BPHL: variants seen among roughly 807,000 people sequenced by gnomAD.
BPHL encodes the protein biphenyl hydrolase like.
BPHL carries 27 observed loss-of-function variants against 31.2 expected under a neutral mutation model. That is an observed-to-expected ratio of 0.87 (90% CI 0.64 to 1.19). BPHL has a LOEUF of 1.19. Ranked by LOEUF, BPHL falls within the 50% of genes most tolerant of loss-of-function variation. The pLI is 0.00. For synonymous variants in BPHL, 150 were observed against 146.8 expected, an observed-to-expected ratio of 1.02 and a Z score of -0.16; for missense variants, 356 against 375.7, an observed-to-expected ratio of 0.95 and a Z score of 0.43.
At chr6:3,139,910 G>A (rs899302580) in intron 5 of BPHL, 2 of 157,842 alleles carry the variant, frequency 1.3e-5, no homozygotes, top group Non-Finnish European at 2.8e-5. Context: ...ATGCATCAGC[G>A]ATAAGGAGAA....
At chr6:3,152,398 T>C (rs1762547077) in intron 6 of BPHL, 90 bp from the exon 7 acceptor site, 5 of 1,118,286 alleles carry the variant, frequency 4.5e-6, no homozygotes, top group Non-Finnish European at 6.6e-6. Flanking sequence ...AATTTTTCAC[T>C]TTAGATGTTT....
At chr6:3,145,115 T>G (rs1450053645) in intron 6 of BPHL, among the ~76,000 whole-genome samples, 8 of 141,586 alleles carry the variant, frequency 5.7e-5, no homozygotes, top group African/African-American at 1.3e-4. Flanking sequence ...TGGTTTGGGT[T>G]TGAGTTCTGG....
intron 1 of BPHL, among the ~76,000 whole-genome samples, chr6:3,121,478 G>C (rs1350024797): frequency 6.6e-6 from 1 of 151,660 alleles, no homozygotes; most frequent in Non-Finnish European, 1.5e-5. Context: ...TTTTTTGTGT[G>C]TATTTTAGTA....
At chr6:3,120,878 C>G (rs1380361037) in intron 1 of BPHL, among the ~76,000 whole-genome samples, 1 of 152,176 alleles carries the variant, frequency 6.6e-6, no homozygotes, top group East Asian at 1.9e-4. Context: ...CACGCTGTAT[C>G]TGGCAGTCAG....
intron 1 of BPHL, among the ~76,000 whole-genome samples, chr6:3,122,416 C>T (rs1468877433): frequency 6.6e-6 from 1 of 152,228 alleles, no homozygotes; most frequent in Non-Finnish European, 1.5e-5. Flanking sequence ...GTGCTTCACT[C>T]AGTCATCTGT....
intron 3 of BPHL, 146 bp downstream of exon 3, chr6:3,127,554 G>A: frequency 1.6e-6 from 1 of 617,488 alleles, no homozygotes; most frequent in Non-Finnish European, 2.5e-6. Context: ...TAGGTATAAA[G>A]AAGAAAGTAG....
At chr6:3,130,013 G>A (rs1336511687) in intron 4 of BPHL, among the ~76,000 whole-genome samples, 1 of 152,056 alleles carries the variant, frequency 6.6e-6, no homozygotes, top group Non-Finnish European at 1.5e-5. Flanking sequence ...CTCCATGTTG[G>A]TCAGGCTGGT....
chr6:3,119,504 C>T (rs1450698074), intron 1 of BPHL: 1 of 1,613,978 alleles, frequency 6.2e-7, no homozygotes, highest in Admixed American at 1.7e-5. Flanking sequence ...ACCTGTCCCC[C>T]CATTTCAGGT....
At position 3,140,412 on chromosome 6, in the gene BPHL, C is replaced by T. The variant is rs777142827; in HGVS notation, c.691C>T (p.Arg231Trp). The T allele has an allele frequency of 1.4e-5, 23 of 1,614,040 alleles. No homozygotes were observed. The highest frequency in any genetic ancestry group is 7.7e-5 in the South Asian group (7 of 91,072). ...TAACATCTGCCGGCACCTGCTGCCC[C>T]GGGTCCAGTGCCCCGCCTTGATTGT... ...DGNICRHLLP[R>W]VQCPALIVHG... The change falls in exon 6 of 7, where the codon CGG (arginine) becomes TGG (tryptophan). Residue 231 changes from arginine to tryptophan, a missense_variant. Physicochemically the swap from Arg to Trp is moderately radical, Grantham distance 101 (BLOSUM62 -3). Transcript: ENST00000380379. The surrounding 1 kb of genome is among the most constrained non-coding windows in gnomAD (Gnocchi z 5.2).
At chr6:3,152,457 T>A (rs756619457) in intron 6 of BPHL, 31 bp from the exon 7 acceptor site, 131 of 1,603,550 alleles carry the variant, frequency 8.2e-5, no homozygotes, top group Middle Eastern at 6.6e-4. Context: ...GGTGGGCCAT[T>A]GACCCAAAGT....
intron 5 of BPHL, chr6:3,138,111 T>C (rs1452406836): frequency 1.2e-6 from 1 of 802,380 alleles, no homozygotes; most frequent in Admixed American, 2.4e-5. Flanking sequence ...CTCTGTCTCC[T>C]GGGTTCAAGC....
At chr6:3,146,433 G>T (rs1191055130) in intron 6 of BPHL, among the ~76,000 whole-genome samples, 3 of 117,420 alleles carry the variant, frequency 2.6e-5, no homozygotes, top group Admixed American at 8.6e-5. Context: ...GGTTTGGGTC[G>T]GAGTGCTGGT....
intron 4 of BPHL, among the ~76,000 whole-genome samples, chr6:3,135,903 G>A (rs1261735274): frequency 6.6e-6 from 1 of 152,196 alleles, no homozygotes; most frequent in Non-Finnish European, 1.5e-5. Flanking sequence ...ATCATACCAG[G>A]TTGGGGCCAT....
chr6:3,129,764 A>G (rs987088634), intron 4 of BPHL, among the ~76,000 whole-genome samples: 24 of 141,128 alleles, frequency 1.7e-4, no homozygotes, highest in African/African-American at 5.8e-4. Flanking sequence ...TTTCTGTGCT[A>G]TTTGCATGCT....
intron 6 of BPHL, among the ~76,000 whole-genome samples, chr6:3,148,474 A>T (rs1267575436): frequency 6.6e-6 from 1 of 152,232 alleles, no homozygotes; most frequent in Non-Finnish European, 1.5e-5. Flanking sequence ...TCCATAGAAA[A>T]GTGAAGCCAG....
chr6:3,134,919 TAG>T (rs1002676509), intron 4 of BPHL, among the ~76,000 whole-genome samples: 28 of 151,958 alleles, frequency 1.8e-4, no homozygotes, highest in African/African-American at 5.8e-4. Context: ...GTATTTTTTG[TAG>T]AGACGGGGTT....
rs774501333 is a variant in BPHL at position 3,127,366 on chromosome 6, C to G, written c.336C>G (p.Asp112Glu). 34 of 1,607,228 alleles carry G rather than the reference C, an allele frequency of 2.1e-5. No individual in the cohort carries two copies. Among genetic ancestry groups the G allele is most frequent in the Middle Eastern group, 1.7e-4 (1 of 5,970 alleles). Residue 112 changes from aspartate (D) to glutamate (E), a missense_variant, in exon 3 of 7, where the codon GAC becomes GAG. Transcript: ENST00000380379. ...CCCCAGATCGCGATTTCCCAGCAGA[C>G]TTTTTTGAAAGGGATGCAAAAGATG... ...SRPPDRDFPA[D>E]FFERDAKDAV...
chr6:3,126,307 A>G (rs549633128), intron 2 of BPHL, among the ~76,000 whole-genome samples: 1 of 152,350 alleles, frequency 6.6e-6, no homozygotes, highest in South Asian at 2.1e-4. Flanking sequence ...CTTGGACCAA[A>G]TCTCATAAAT....
chr6:3,131,214 T>A (rs1761858951), intron 4 of BPHL, among the ~76,000 whole-genome samples: 1 of 152,140 alleles, frequency 6.6e-6, no homozygotes, highest in Non-Finnish European at 1.5e-5. Flanking sequence ...CTTTCCTTCC[T>A]TCTTTAGTCC....
Sources: gnomAD v4.1 joint callset for allele counts (sites outside exome capture counted in the v4.1 genomes callset) on GRCh38, gnomAD v4.1.1 for gene constraint, Gnocchi (gnomAD v3.1) non-coding constraint, MANE v1.5 for transcripts, NCBI Gene and HGNC (gene_info 2026-07-23, HGNC 2026-07-21) for gene names.